The following TMPRSS9 variants were observed in gnomAD, a reference collection of about 807,000 sequenced individuals.
TMPRSS9 encodes the protein transmembrane serine protease 9.
TMPRSS9 carries 113 observed loss-of-function variants against 111.4 expected under a neutral mutation model. The ratio of observed to expected loss-of-function variants is 1.01; its 90% CI spans 0.87 to 1.19. TMPRSS9 has a LOEUF of 1.19. Among genes scored for constraint, TMPRSS9 ranks in the 50% most tolerant of loss-of-function variants. TMPRSS9 has a pLI of 0.00. For synonymous variants in TMPRSS9, 805 were observed against 659.1 expected (o/e 1.22, Z -3.39); for missense variants, 1,803 against 1,513.1 (o/e 1.19, Z -3.18).
In TMPRSS9 at chr19:2,422,096, G is replaced by C. The variant is rs144404670; in HGVS notation, c.2397G>C (p.Pro799=). The C allele has an allele frequency of 3.1e-6, 5 of 1,604,988 alleles. No individual in the cohort carries two copies. In the African/African-American group the frequency reaches 5.3e-5, roughly 17 times the overall value. The change falls in exon 14 of 18, where the codon CCG becomes CCC. Residue 799 remains proline, a synonymous_variant. Transcript: ENST00000648592. ...GGACGACAGCTGGCCTCACAGTCCC[G>C]GGGGCCACACCCAGCAGACCCACCC...
At chr19:2,386,599 G>A (rs1016117998), upstream of TMPRSS9, among the ~76,000 whole-genome samples, 1 of 152,158 alleles carries the variant, frequency 6.6e-6, no homozygotes, top group Non-Finnish European at 1.5e-5. Context: ...AAAGTGTGAC[G>A]AGAACATAGT....
intron 1 of TMPRSS9, among the ~76,000 whole-genome samples, chr19:2,361,614 C>T (rs761450421): frequency 6.7e-4 from 102 of 152,252 alleles, no homozygotes; most frequent in Middle Eastern, 6.8e-3. Context: ...GCGTTATCCC[C>T]GCATGACCGG....
chr19:2,403,365 G>A, intron 6 of TMPRSS9, among the ~76,000 whole-genome samples, 170 bp downstream of exon 7: 1 of 152,150 alleles, frequency 6.6e-6, no homozygotes, highest in East Asian at 1.9e-4. Context: ...AGAAACATGA[G>A]CAAACAGCAG....
intron 13 of TMPRSS9, among the ~76,000 whole-genome samples, chr19:2,418,501 C>T (rs1243857753): frequency 1.3e-4 from 1 of 7,914 alleles, no homozygotes; most frequent in Non-Finnish European, 2.1e-4. Context: ...CTTTCCTTCC[C>T]TCCCTCCCTC....
chr19:2,425,433 G>A (rs773696308), exon 17 of TMPRSS9: 6 of 1,590,876 alleles, frequency 3.8e-6, no homozygotes, highest in Middle Eastern at 3.4e-4. Flanking sequence ...TCTACCCAGT[G>A]CAGATCAGCA....
intron 14 of TMPRSS9, 151 bp from the exon 16 acceptor site, chr19:2,423,938 C>G: frequency 9.0e-6 from 7 of 775,158 alleles, no homozygotes; most frequent in East Asian, 3.4e-5. Flanking sequence ...GGCCCAGTGT[C>G]CTTTCCTGCT....
At chr19:2,389,908 C>T (rs759636632) in exon 1 of TMPRSS9, 11 of 1,611,974 alleles carry the variant, frequency 6.8e-6, no homozygotes, top group African/African-American at 2.7e-5. Flanking sequence ...TTGTCGTCCT[C>T]ACCCTGGGAG....
chr19:2,425,886 A>C (rs1222600044), intron 17 of TMPRSS9, 41 bp from the exon 19 acceptor site: 1 of 1,545,814 alleles, frequency 6.5e-7, no homozygotes, highest in Non-Finnish European at 8.7e-7. Flanking sequence ...GCTGTAGGGG[A>C]GGTACCGGCC....
chr19:2,416,766 G>C (rs750897845), exon 12 of TMPRSS9: 5 of 1,612,506 alleles, frequency 3.1e-6, no homozygotes, highest in African/African-American at 2.7e-5. Context: ...CTGTGGGCCG[G>C]AAGTGCATGA....
intron 14 of TMPRSS9, among the ~76,000 whole-genome samples, chr19:2,423,030 C>A (rs1417521001): frequency 6.6e-6 from 1 of 151,434 alleles, no homozygotes; most frequent in South Asian, 2.1e-4. Flanking sequence ...ATACTCCAGC[C>A]TGGGTGACAC....
intron 2 of TMPRSS9, among the ~76,000 whole-genome samples, chr19:2,397,596 T>C (rs1277009792): frequency 1.3e-5 from 2 of 152,114 alleles, no homozygotes; most frequent in Non-Finnish European, 2.9e-5. Flanking sequence ...AACAGACGTG[T>C]GACCACATCA....
At chr19:2,384,812 CAAA>C (rs1176243923), upstream of TMPRSS9, among the ~76,000 whole-genome samples, 3,679 of 94,312 alleles carry the variant, frequency 0.039, 72 homozygotes, top group Non-Finnish European at 0.056. Flanking sequence ...AAGGCTCCGT[CAAA>C]AAAAAAAAAA....
At chr19:2,418,015 G>C (rs1971290575) in exon 13 of TMPRSS9, 6 of 1,611,650 alleles carry the variant, frequency 3.7e-6, no homozygotes, top group Admixed American at 1.7e-5. Context: ...CCAAGCCCGA[G>C]CTCCTGCAGA....
chr19:2,425,022 G>A lies in TMPRSS9; in HGVS notation c.2738G>A (p.Trp913Ter). 2 of 1,542,746 alleles carry A rather than the reference G, an allele frequency of 1.3e-6. No individual in the cohort carries two copies. The highest frequency in any genetic ancestry group is 1.2e-5 in the South Asian group (1 of 84,854). The change falls in exon 16 of 18, where the codon TGG (tryptophan) becomes TAG (stop). Residue 913 changes from tryptophan (W) to a stop codon, truncating the protein, a stop_gained. Coordinates refer to ENST00000648592, the Ensembl canonical transcript of TMPRSS9. LOFTEE classifies it high-confidence loss of function. ...CGCAGCTACGGGGACCCCAAGCAGT[G>A]GGCGGCCTTCCTAGGCACGCCGTTC... is the stretch of plus-strand genomic sequence containing the variant.
chr19:2,385,227 G>A (rs539181295), upstream of TMPRSS9, among the ~76,000 whole-genome samples: 4,884 of 148,528 alleles, frequency 0.033, 121 homozygotes, highest in Non-Finnish European at 0.04. Context: ...GAGGGGGCGG[G>A]GCTCGCACAG....
intron 6 of TMPRSS9, among the ~76,000 whole-genome samples, chr19:2,404,728 C>T (rs571643748): frequency 2.0e-5 from 3 of 151,868 alleles, no homozygotes; most frequent in East Asian, 1.9e-4. Context: ...GTCAGGAGTT[C>T]GAGACCAGCC....
At chr19:2,386,459 C>T (rs527509808), upstream of TMPRSS9, among the ~76,000 whole-genome samples, 6 of 149,894 alleles carry the variant, frequency 4.0e-5, no homozygotes, top group South Asian at 6.3e-4. Flanking sequence ...GAGCCGAGAT[C>T]GCGCCACTGG....
At chr19:2,399,277 C>G in intron 4 of TMPRSS9, 84 bp downstream of exon 5, 1 of 1,467,710 alleles carries the variant, frequency 6.8e-7, no homozygotes, top group Non-Finnish European at 9.0e-7. Flanking sequence ...GATAACCACC[C>G]CTTCCCATAA....
At chr19:2,398,525 G>A (rs566366963) in intron 2 of TMPRSS9, among the ~76,000 whole-genome samples, 1 of 152,188 alleles carries the variant, frequency 6.6e-6, no homozygotes, top group South Asian at 2.1e-4. Context: ...GGCTGAGGCA[G>A]CAGAATCGCT....
Sources: allele counts gnomAD v4.1 joint callset (sites outside exome capture counted in the v4.1 genomes callset), GRCh38; gene constraint gnomAD v4.1.1; transcripts MANE v1.5; gene names NCBI Gene and HGNC (gene_info 2026-07-23, HGNC 2026-07-21).